The following CHRM3 variants were observed in gnomAD, a reference collection of about 807,000 sequenced individuals.
CHRM3 encodes muscarinic acetylcholine receptor M3.
A neutral mutation model predicts 41.8 loss-of-function variants in CHRM3; 11 were observed. The ratio of observed to expected loss-of-function variants is 0.26; its 90% CI spans 0.17 to 0.44. The LOEUF is 0.44. Among genes scored for constraint, CHRM3 ranks in the 20% least tolerant of loss-of-function variants. The probability of loss-of-function intolerance (pLI) is 1.00; values close to 1 mark genes in which losing one functional copy is unlikely to be tolerated. For missense variants in CHRM3, 571 were observed against 745.4 expected (o/e 0.77, Z 2.72); for synonymous variants, 297 against 301.4 (o/e 0.99, Z 0.15).
At position 239,623,435 on chromosome 1, in the gene CHRM3, C is replaced by T. The variant is rs528158185; in HGVS notation, c.-312-8789C>T. Among the ~76,000 whole-genome samples, 4 of 150,066 alleles carry T rather than the reference C, an allele frequency of 2.7e-5. 1 individual carries two copies. The South Asian group carries it at 8.5e-4, about 32-fold the overall frequency. On this transcript the variant is annotated intron_variant, in intron 3 of 6. Transcript: ENST00000676153. ...GCTTCATCCATGTCCCTACAAAGGA[C>T]ATGAACTCATCATTTTTTATGGCTG...
chr1:239,722,143 T>C (rs907064941), intron 5 of CHRM3, among the ~76,000 whole-genome samples: 2 of 151,940 alleles, frequency 1.3e-5, no homozygotes, highest in Non-Finnish European at 2.9e-5. Flanking sequence ...CCAGCCAAAG[T>C]CTGTGAAGCA....
intron 3 of CHRM3, among the ~76,000 whole-genome samples, chr1:239,551,097 C>T (rs12134564): frequency 0.37 from 53,474 of 145,360 alleles, 11,434 homozygotes; most frequent in East Asian, 0.6. Flanking sequence ...AGTCCCCTAA[C>T]ATTAGTCATT....
chr1:239,630,718 G>A (rs1469743981), intron 3 of CHRM3, among the ~76,000 whole-genome samples: 2 of 152,192 alleles, frequency 1.3e-5, no homozygotes, highest in Non-Finnish European at 2.9e-5. Flanking sequence ...GTGCTGCTAT[G>A]TAAGAGAGGC....
intron 1 of CHRM3, among the ~76,000 whole-genome samples, chr1:239,453,844 G>A (rs527441332): frequency 2.0e-5 from 3 of 152,060 alleles, no homozygotes; most frequent in African/African-American, 7.2e-5. Flanking sequence ...AGAGTAGGTG[G>A]GGAAGGCCTC....
rs530011359 is a variant in CHRM3, at chr1:239,736,097, T to C, written c.-147+57809T>C. On this transcript the variant is annotated intron_variant, in intron 5 of 6. Transcript: ENST00000676153. ...CTGAATAATAGCAGCTAGTATCGAC[T>C]ACTCCACTTTCCCTATGTGCACATG... Among the ~76,000 whole-genome samples the C allele has an allele frequency of 7.2e-5, 11 of 152,254 alleles. No homozygotes were observed. The South Asian group carries it at 2.3e-3, about 32-fold the overall frequency.
chr1:239,545,845 G>A (rs1277559572), intron 3 of CHRM3, 96 bp downstream of exon 3: 1 of 152,092 alleles, frequency 6.6e-6, no homozygotes, highest in Non-Finnish European at 1.5e-5. Flanking sequence ...TAAAACACAT[G>A]TATTAGTGTC....
chr1:239,538,373 C>G (rs1658411662), intron 2 of CHRM3, among the ~76,000 whole-genome samples: 1 of 152,150 alleles, frequency 6.6e-6, no homozygotes, highest in African/African-American at 2.4e-5. Flanking sequence ...TTGACCTCCT[C>G]TCTGCATTAG....
chr1:239,698,643 G>A (rs542453819), intron 5 of CHRM3, among the ~76,000 whole-genome samples: 2 of 152,200 alleles, frequency 1.3e-5, no homozygotes, highest in South Asian at 2.1e-4. Flanking sequence ...TACACTTTTG[G>A]CAAAAGTCAA....
intron 2 of CHRM3, among the ~76,000 whole-genome samples, chr1:239,516,607 G>A (rs146015368): frequency 2.6e-5 from 4 of 152,214 alleles, no homozygotes; most frequent in Non-Finnish European, 4.4e-5. Flanking sequence ...GTTCCTTTAC[G>A]CTGAAATGAG....
At chr1:239,899,885 G>C (rs942176431) in intron 6 of CHRM3, 3 of 151,820 alleles carry the variant, frequency 2.0e-5, no homozygotes, top group Non-Finnish European at 4.4e-5. Flanking sequence ...TCTGACCCCA[G>C]AGAGGAGCCA....
chr1:239,672,901 C>T (rs373083823), intron 4 of CHRM3, among the ~76,000 whole-genome samples: 161 of 152,056 alleles, frequency 1.1e-3, no homozygotes, highest in Non-Finnish European at 1.9e-3. Context: ...CTAAAAGACA[C>T]GAGATTTTTT....
chr1:239,774,043 C>T (rs928761626), intron 5 of CHRM3, among the ~76,000 whole-genome samples: 2 of 152,134 alleles, frequency 1.3e-5, no homozygotes, highest in African/African-American at 4.8e-5. Context: ...ACTTTTTGTT[C>T]TGTCTGTAAT....
chr1:239,765,595 C>T (rs144637734), intron 5 of CHRM3, among the ~76,000 whole-genome samples: 6 of 152,180 alleles, frequency 3.9e-5, no homozygotes, highest in African/African-American at 2.4e-5. Flanking sequence ...TATTAAAAAT[C>T]GAAACCTACT....
chr1:239,686,416 T>C (rs947670566), intron 5 of CHRM3, among the ~76,000 whole-genome samples: 1 of 152,172 alleles, frequency 6.6e-6, no homozygotes, highest in Non-Finnish European at 1.5e-5. Flanking sequence ...CAGAGCCCTC[T>C]TTCCTGGGAA....
In CHRM3 at chr1:239,827,246, T is replaced by A. The variant is rs1239629561; in HGVS notation, c.-146-6T>A. Reference sequence around the variant, plus strand: ...CTGACTCCTTGCCTGGTTTCTGTCTTCCCAGGTGGAGCTGGTCTCTTGGGC... The same window carrying A: ...CTGACTCCTTGCCTGGTTTCTGTCTACCCAGGTGGAGCTGGTCTCTTGGGC... On this transcript the variant is annotated splice_polypyrimidine_tract_variant and splice_region_variant and intron_variant, in intron 5 of 6. Coordinates refer to ENST00000676153, the MANE Select transcript of CHRM3 (RefSeq NM_001375978.1). The A allele has an allele frequency of 6.6e-6, 1 of 152,228 alleles. No homozygotes were observed. 9.4% of individuals were successfully genotyped at this position (152,228 alleles called of 1,614,324 possible).
intron 1 of CHRM3, among the ~76,000 whole-genome samples, chr1:239,485,724 G>T (rs942940093): frequency 1.3e-5 from 2 of 152,082 alleles, no homozygotes; most frequent in African/African-American, 4.8e-5. Flanking sequence ...CTCTGTATTT[G>T]CCACTGCGTG....
intron 1 of CHRM3, among the ~76,000 whole-genome samples, chr1:239,464,186 A>G (rs1665559337): frequency 6.6e-6 from 1 of 151,484 alleles, no homozygotes; most frequent in Non-Finnish European, 1.5e-5. Flanking sequence ...AGGCTGAGGT[A>G]TGAGAATCAC....
intron 2 of CHRM3, among the ~76,000 whole-genome samples, chr1:239,514,779 T>C (rs1211770637): frequency 2.0e-5 from 3 of 152,116 alleles, no homozygotes; most frequent in African/African-American, 7.2e-5. Flanking sequence ...AATTTAAGTG[T>C]GTTTTACATG....
chr1:239,471,238 C>T (rs578200076), intron 1 of CHRM3, among the ~76,000 whole-genome samples: 6 of 152,182 alleles, frequency 3.9e-5, no homozygotes, highest in Admixed American at 3.3e-4. Flanking sequence ...TGTTGCTGGC[C>T]TTTTTCTTTT....
Sources: gnomAD v4.1 joint callset for allele counts (sites outside exome capture counted in the v4.1 genomes callset) on GRCh38, gnomAD v4.1.1 for gene constraint, MANE v1.5 for transcripts, NCBI Gene and HGNC (gene_info 2026-07-23, HGNC 2026-07-21) for gene names.